Variants in HELZ observed in about 807,000 individuals in gnomAD.
HELZ encodes ATP-dependent RNA helicase with zinc finger domain.
HELZ carries 23 observed loss-of-function variants against 218.2 expected under a neutral mutation model. The ratio of observed to expected loss-of-function variants is 0.11; its 90% CI spans 0.08 to 0.15. The LOEUF is 0.15. Ranked by LOEUF, HELZ falls within the 10% of genes least tolerant of loss-of-function variation. The probability of loss-of-function intolerance (pLI) is 1.00; values close to 1 mark genes in which losing one functional copy is unlikely to be tolerated. For missense variants in HELZ, 1,813 were observed against 2,353.7 expected, an observed-to-expected ratio of 0.77 and a Z score of 4.75; for synonymous variants, 814 against 829.4, an observed-to-expected ratio of 0.98 and a Z score of 0.32.
rs2036038884 is a variant in HELZ at position 67,077,172 on chromosome 17, C to T, written c.*1080G>A. The T allele has an allele frequency of 6.6e-6, 1 of 152,512 alleles. No individual in the cohort carries two copies. The highest frequency in any genetic ancestry group is 1.5e-5 in the Non-Finnish European group (1 of 68,002). The allele number at this position is 152,512 out of a possible 1,614,324, so 9.4% of individuals were successfully genotyped here. On this transcript the variant is annotated 3_prime_UTR_variant, in exon 33 of 33. Coordinates refer to ENST00000358691, the MANE Select transcript of HELZ (RefSeq NM_014877.4). ...CTGATGAATTTTGATACATTTTTGA[C>T]AAACATTATATTTCTTCTTTAATGG...
chr17:67,145,616 T>C (rs371478204), intron 21 of HELZ, 127 bp downstream of exon 21: 16 of 664,152 alleles, frequency 2.4e-5, no homozygotes, highest in East Asian at 2.2e-4. Flanking sequence ...AAACTTTACA[T>C]ACTATTTACA....
chr17:67,138,095 C>G lies in HELZ; in HGVS notation c.2789G>C (p.Arg930Pro). 6.2e-7 allele frequency: 1 copy of G among 1,611,892 alleles called. No homozygotes were observed. Among genetic ancestry groups the G allele is most frequent in the Non-Finnish European group, 8.5e-7 (1 of 1,178,770 alleles). Reference sequence around the variant, plus strand: ...CCACTTCCTTCTTAACTCTTCTACACGTTCCACCACTTCAAACACCTTTAA... The same window carrying G: ...CCACTTCCTTCTTAACTCTTCTACAGGTTCCACCACTTCAAACACCTTTAA... ...NNAEVFEVVE[R>P]VEELRRKWPV... The change falls in exon 22 of 33, where the codon CGT becomes CCT. Residue 930 changes from arginine (R) to proline (P), a missense_variant. Physicochemically the swap from Arg to Pro is moderately radical, Grantham distance 103. Transcript: ENST00000358691.
intron 9 of HELZ, among the ~76,000 whole-genome samples, chr17:67,193,242 G>A (rs983511688): frequency 6.6e-6 from 1 of 151,464 alleles, no homozygotes; most frequent in African/African-American, 2.4e-5. Flanking sequence ...CTACTTGGGA[G>A]GCTGAGGTGA....
At position 67,077,189 on chromosome 17, in the gene HELZ, CTTT is replaced by C. The variant is rs996027310; in HGVS notation, c.*1060_*1062del. 3.0e-4 allele frequency: 46 copies of C among 152,664 alleles called. No homozygotes were observed. The highest frequency in any genetic ancestry group is 1.1e-3 in the African/African-American group (45 of 41,550). The allele number at this position is 152,664 out of a possible 1,614,324, so 9.5% of individuals were successfully genotyped here. Reference sequence around the variant, plus strand: ...ATTTTTGACAAACATTATATTTCTTCTTTAATGGTGTTCCTCAAACAAGACAGC... The same window carrying C: ...ATTTTTGACAAACATTATATTTCTTCAATGGTGTTCCTCAAACAAGACAGC... On this transcript the variant is annotated 3_prime_UTR_variant, in exon 33 of 33. Coordinates refer to ENST00000358691, the MANE Select transcript of HELZ (RefSeq NM_014877.4).
chr17:67,138,472 T>G (rs1006359229), intron 21 of HELZ, among the ~76,000 whole-genome samples: 1 of 152,162 alleles, frequency 6.6e-6, no homozygotes, highest in Non-Finnish European at 1.5e-5. Flanking sequence ...ACAGCCCCAG[T>G]AATTCTCAGT....
chr17:67,145,634 G>A (rs2038470260), intron 21 of HELZ, 109 bp downstream of exon 21: 1 of 743,858 alleles, frequency 1.3e-6, no homozygotes, highest in Non-Finnish European at 2.2e-6. Context: ...ACATGTAAAT[G>A]AAGTCAATAT....
At chr17:67,087,840 T>C (rs191285180) in intron 31 of HELZ, among the ~76,000 whole-genome samples, 16 of 152,348 alleles carry the variant, frequency 1.1e-4, no homozygotes, top group Admixed American at 4.6e-4. Flanking sequence ...TTTTTTATAG[T>C]TACCCAAGTG....
At chr17:67,176,706 C>G (rs933427605) in intron 13 of HELZ, 6 of 152,154 alleles carry the variant, frequency 3.9e-5, no homozygotes, top group African/African-American at 1.2e-4. Context: ...TATGGTGATG[C>G]ACACCTGCAG....
intron 17 of HELZ, among the ~76,000 whole-genome samples, chr17:67,152,038 G>A (rs1598329137): frequency 6.6e-6 from 1 of 152,328 alleles, no homozygotes; most frequent in Admixed American, 6.5e-5. Context: ...ACAGGGCAGT[G>A]ACATGACATG....
chr17:67,075,116 C>T lies in HELZ; in HGVS notation c.*3136G>A, dbSNP rs1416303759. 1 of 151,958 alleles carries T rather than the reference C, an allele frequency of 6.6e-6. No individual in the cohort carries two copies. Among genetic ancestry groups the T allele is most frequent in the African/African-American group, 2.4e-5 (1 of 41,384 alleles). 9.4% of individuals were successfully genotyped at this position (151,958 alleles called of 1,614,324 possible). On this transcript the variant is annotated 3_prime_UTR_variant, in exon 33 of 33. Transcript: ENST00000358691. Reference sequence around the variant, plus strand: ...TTACACGGAATGAGGTTCTTCAAATCGTAACAAAAGACCATTTTTAGATCA... The same window carrying T: ...TTACACGGAATGAGGTTCTTCAAATTGTAACAAAAGACCATTTTTAGATCA...
At chr17:67,178,966 CA>C (rs1226666445) in intron 12 of HELZ, 40 bp from the exon 13 acceptor site, 1 of 1,389,524 alleles carries the variant, frequency 7.2e-7, no homozygotes, top group East Asian at 2.3e-5. Flanking sequence ...AGAAACAGAA[CA>C]TTAAAATTTT....
intron 3 of HELZ, among the ~76,000 whole-genome samples, chr17:67,230,666 A>G (rs537462609): frequency 1.1e-4 from 17 of 151,898 alleles, no homozygotes; most frequent in African/African-American, 4.1e-4. Flanking sequence ...CTGCTTGCCA[A>G]GAAAATTATA....
At position 67,109,592 on chromosome 17, in the gene HELZ, T is replaced by C. The variant is rs200263337; in HGVS notation, c.4013A>G (p.Asn1338Ser). Reference protein sequence around the residue: ...STKFPRKDNLNPRHINLPLPA... With the variant: ...STKFPRKDNLSPRHINLPLPA... ...AAGGGGAAGATTTATGTGTCTTGGGTTGAGATTATCTTTGCGAGGAAATTT... is the reference window on the plus strand; with the variant it reads ...AAGGGGAAGATTTATGTGTCTTGGGCTGAGATTATCTTTGCGAGGAAATTT... Residue 1338 changes from asparagine (N) to serine (S), a missense_variant, in exon 29 of 33, where the codon AAC (asparagine) becomes AGC (serine). Coordinates refer to ENST00000358691, the MANE Select transcript of HELZ (RefSeq NM_014877.4). 1.9e-6 allele frequency: 3 copies of C among 1,614,022 alleles called. No individual in the cohort carries two copies. The highest frequency in any genetic ancestry group is 2.5e-6 in the Non-Finnish European group (3 of 1,180,026).
rs759822177 is a variant in HELZ, at chr17:67,086,781, C to T, written c.5494+48G>A. The stretch of plus-strand genomic sequence containing the variant: ...ATAGAAGAAAAACTCCACAGATATC[C>T]GGGAGCTGAGGAGTACAGATTAGTT... On this transcript the variant is annotated intron_variant, in intron 32 of 32. Coordinates refer to ENST00000358691, the MANE Select transcript of HELZ (RefSeq NM_014877.4). 5.1e-5 allele frequency: 81 copies of T among 1,591,776 alleles called. 1 individual carries two copies. The East Asian group carries it at 1.5e-3, about 30-fold the overall frequency.
chr17:67,087,161 C>T (rs2036419971), intron 31 of HELZ, 80 bp from the exon 32 acceptor site: 2 of 1,302,854 alleles, frequency 1.5e-6, no homozygotes, highest in African/African-American at 2.9e-5. Flanking sequence ...ATAGCAATAT[C>T]TCACTATATA....
At chr17:67,173,616 C>A (rs2039371893) in intron 13 of HELZ, among the ~76,000 whole-genome samples, 2 of 152,302 alleles carry the variant, frequency 1.3e-5, no homozygotes, top group East Asian at 3.9e-4. Flanking sequence ...CAATAAAAAT[C>A]TAACAAAGTA....
At chr17:67,100,160 A>G (rs554148126) in intron 31 of HELZ, among the ~76,000 whole-genome samples, 2 of 152,330 alleles carry the variant, frequency 1.3e-5, no homozygotes, top group South Asian at 4.1e-4. Context: ...TTCCTCTAAA[A>G]AAGAGAAATT....
At chr17:67,244,923 G>A in intron 1 of HELZ, 1 of 986,022 alleles carries the variant, frequency 1.0e-6, no homozygotes, top group African/African-American at 1.7e-5. Flanking sequence ...GAGGGGAAGG[G>A]GACTAAGTAG....
intron 14 of HELZ, 47 bp from the exon 15 acceptor site, chr17:67,166,655 C>T (rs1434106868): frequency 7.6e-6 from 12 of 1,573,294 alleles, no homozygotes; most frequent in Admixed American, 1.7e-5. Context: ...AAGCAAACAT[C>T]AATGCTGGCA....
Sources: allele counts gnomAD v4.1 joint callset (sites outside exome capture counted in the v4.1 genomes callset), GRCh38; gene constraint gnomAD v4.1.1; transcripts MANE v1.5; gene names NCBI Gene and HGNC (gene_info 2026-07-23, HGNC 2026-07-21).